Variants in ANOS1 observed in about 807,000 individuals in gnomAD.
The protein encoded by ANOS1 is anosmin-1.
Under a neutral mutation model 59.0 loss-of-function variants are expected in ANOS1, and 6 were observed. That is an observed-to-expected ratio of 0.10 (90% confidence interval 0.06 to 0.20). The LOEUF (loss-of-function observed/expected upper bound fraction) is 0.20. ANOS1 is among the 10% of genes least tolerant of loss of function. ANOS1 has a pLI of 1.00. For missense variants in ANOS1, 433 were observed against 542.3 expected (o/e 0.80, Z 2.00); for synonymous variants, 217 against 223.4 (o/e 0.97, Z 0.25).
intron 6 of ANOS1, among the ~76,000 whole-genome samples, chrX:8,574,081 C>A (rs1028007130): frequency 9.1e-6 from 1 of 110,246 alleles, no homozygotes; most frequent in Non-Finnish European, 1.9e-5. Flanking sequence ...GCAACCCGTG[C>A]CTCAGTTACC....
In ANOS1 at chrX:8,597,197, G is replaced by T. The variant is rs201050316; in HGVS notation, c.378C>A (p.Ile126=). ...CLTSCEFLKY[I]LLVKQGDCPA... is the part of the protein sequence containing the mutation. ...GACAGTCCCCCTGCTTCACCAACAG[G>T]ATGTATTTGAGGAACTCACAGCTGG... The change falls in exon 4 of 14, where the codon ATC becomes ATA. Residue 126 remains isoleucine (I), a synonymous_variant. Transcript: ENST00000262648. The T allele has an allele frequency of 1.2e-5, 15 of 1,210,004 alleles. No individual in the cohort carries two copies. Among genetic ancestry groups the T allele is most frequent in the Non-Finnish European group, 1.7e-5 (15 of 895,166 alleles).
intron 1 of ANOS1, among the ~76,000 whole-genome samples, chrX:8,720,891 A>G (rs1022975819): frequency 1.8e-5 from 2 of 111,662 alleles, no homozygotes; most frequent in African/African-American, 6.5e-5. Context: ...ATGGCACTAC[A>G]CTCTAGTCTA....
rs1376785626 is a variant in ANOS1, at chrX:8,707,708, T to TA, written c.208-7964_208-7963insT. Among the ~76,000 whole-genome samples the TA allele has an allele frequency of 2.7e-5, 3 of 111,472 alleles. No homozygotes were observed. In the East Asian group the frequency reaches 8.5e-4, roughly 31 times the overall value. The stretch of plus-strand genomic sequence containing the variant: ...AAATATATAGGAGGATATTTGCAGG[T>TA]TATATACAAATACCACACCATTTTA... On this transcript the variant is annotated intron_variant, in intron 1 of 13. Coordinates refer to ENST00000262648, the MANE Select transcript of ANOS1 (RefSeq NM_000216.4).
At chrX:8,587,345 T>C in intron 5 of ANOS1, among the ~76,000 whole-genome samples, 1 of 111,491 alleles carries the variant, frequency 9.0e-6, no homozygotes, top group East Asian at 2.8e-4. Context: ...CTAAGTAATT[T>C]TGTGATACAA....
chrX:8,555,320 C>G (rs1929933253), intron 8 of ANOS1, among the ~76,000 whole-genome samples: 1 of 110,779 alleles, frequency 9.0e-6, no homozygotes, highest in Non-Finnish European at 1.9e-5. Flanking sequence ...ATTAAAAGAA[C>G]TGGAGAAGCA....
At chrX:8,672,125 A>G (rs1340258823) in intron 2 of ANOS1, among the ~76,000 whole-genome samples, 2 of 110,887 alleles carry the variant, frequency 1.8e-5, no homozygotes, top group Admixed American at 1.9e-4. Context: ...AAATCACAGT[A>G]GTAGACTGAT....
At chrX:8,680,120 G>A (rs1342128808) in intron 2 of ANOS1, among the ~76,000 whole-genome samples, 7 of 89,987 alleles carry the variant, frequency 7.8e-5, no homozygotes, top group South Asian at 5.8e-4. Context: ...AGCCAAGATC[G>A]CACCACTGCA....
At chrX:8,579,332 TA>T (rs1321676157) in intron 6 of ANOS1, among the ~76,000 whole-genome samples, 1 of 111,336 alleles carries the variant, frequency 9.0e-6, no homozygotes, top group African/African-American at 3.3e-5. Flanking sequence ...AACAATAATG[TA>T]AAGCTCGTCA....
chrX:8,607,973 T>G (rs1930971523), intron 3 of ANOS1, among the ~76,000 whole-genome samples: 1 of 111,672 alleles, frequency 9.0e-6, no homozygotes, highest in Non-Finnish European at 1.9e-5. Flanking sequence ...AGACCAGTCA[T>G]CAATACTGAT....
intron 1 of ANOS1, among the ~76,000 whole-genome samples, chrX:8,731,355 C>T (rs906828878): frequency 1.8e-5 from 2 of 111,977 alleles, no homozygotes; most frequent in Non-Finnish European, 3.8e-5. Context: ...TCAAAAGAGA[C>T]AAAGTGTCGG....
At chrX:8,686,226 T>C (rs1932519854) in intron 2 of ANOS1, among the ~76,000 whole-genome samples, 1 of 112,129 alleles carries the variant, frequency 8.9e-6, no homozygotes, top group South Asian at 3.7e-4. Context: ...ATAAAAGGGT[T>C]CAAGAGACTA....
Position 8,705,216 on chromosome X carries a change from T to A in ANOS1, c.208-5471A>T, listed in dbSNP as rs534280041. Among the ~76,000 whole-genome samples, 11 of 111,812 alleles carry A rather than the reference T, an allele frequency of 9.8e-5. No individual in the cohort carries two copies. In the South Asian group the frequency reaches 3.7e-3, roughly 38 times the overall value. On this transcript the variant is annotated intron_variant, in intron 1 of 13. Coordinates refer to ENST00000262648, the MANE Select transcript of ANOS1 (RefSeq NM_000216.4). ...AAATCAATTTTAGCAACTATTAGTA[T>A]CACTTAGGTTCAATGATCATTTGTC...
At chrX:8,699,984 G>C (rs1461969720) in intron 1 of ANOS1, among the ~76,000 whole-genome samples, 1 of 111,996 alleles carries the variant, frequency 8.9e-6, no homozygotes, top group African/African-American at 3.2e-5. Flanking sequence ...ATTCTAAGCT[G>C]TCTGAAATGA....
At chrX:8,579,084 ATTTAC>A (rs1244838444) in intron 6 of ANOS1, among the ~76,000 whole-genome samples, 4 of 112,638 alleles carry the variant, frequency 3.6e-5, no homozygotes, top group Admixed American at 1.9e-4. Context: ...GTAATTTTGT[ATTTAC>A]TTTATTTGTA....
At chrX:8,675,685 C>CT (rs766188155) in intron 2 of ANOS1, among the ~76,000 whole-genome samples, 1,842 of 101,991 alleles carry the variant, frequency 0.018, 40 homozygotes, top group African/African-American at 0.061. Context: ...ATTTATATTT[C>CT]TTTTTTTTTT....
At chrX:8,555,162 A>G (rs989144347) in intron 8 of ANOS1, among the ~76,000 whole-genome samples, 5 of 111,747 alleles carry the variant, frequency 4.5e-5, no homozygotes, top group Non-Finnish European at 9.4e-5. Context: ...GCAGAAATAA[A>G]TAAGTTTTTT....
chrX:8,598,051 AT>A (rs1930775344), intron 3 of ANOS1, among the ~76,000 whole-genome samples: 1 of 111,859 alleles, frequency 8.9e-6, no homozygotes, highest in Non-Finnish European at 1.9e-5. Flanking sequence ...TAACATATTT[AT>A]TGGTATTGTA....
At chrX:8,644,773 C>T (rs1374794158) in intron 2 of ANOS1, among the ~76,000 whole-genome samples, 1 of 112,598 alleles carries the variant, frequency 8.9e-6, no homozygotes, top group Non-Finnish European at 1.9e-5. Flanking sequence ...TTCAACATTT[C>T]AGGCAGAGCT....
At chrX:8,700,392 T>A (rs1021791387) in intron 1 of ANOS1, among the ~76,000 whole-genome samples, 28 of 110,661 alleles carry the variant, frequency 2.5e-4, no homozygotes, top group African/African-American at 7.9e-4. Context: ...TGCCACACAC[T>A]TTTAAGCCAT....
Sources: allele counts gnomAD v4.1 joint callset (sites outside exome capture counted in the v4.1 genomes callset), GRCh38; gene constraint gnomAD v4.1.1; transcripts MANE v1.5; gene names NCBI Gene and HGNC (gene_info 2026-07-23, HGNC 2026-07-21).